The following BTAF1 variants were observed in gnomAD, a reference collection of about 807,000 sequenced individuals.
The protein encoded by BTAF1 is B-TFIID TATA-box binding protein associated factor 1.
A neutral mutation model predicts 227.1 loss-of-function variants in BTAF1; 38 were observed. The ratio of observed to expected loss-of-function variants is 0.17; its 90% confidence interval spans 0.13 to 0.22. The LOEUF (loss-of-function observed/expected upper bound fraction) is 0.22, where lower values mean the gene tolerates loss of function less well. Ranked by LOEUF, BTAF1 falls within the 10% of genes least tolerant of loss-of-function variation. The probability of loss-of-function intolerance (pLI) is 1.00; values close to 1 mark genes in which losing one functional copy is unlikely to be tolerated. For synonymous variants in BTAF1, 742 were observed against 751.9 expected (o/e 0.99, Z 0.21); for missense variants, 1,598 against 2,204.0 (o/e 0.73, Z 5.51).
rs74347261 is a variant in BTAF1, at chr10:92,010,027, G to C, written c.4103+819G>C. Among the ~76,000 whole-genome samples, 17 of 152,088 alleles carry C rather than the reference G, an allele frequency of 1.1e-4. No individual in the cohort carries two copies. In the East Asian group the frequency reaches 2.9e-3, roughly 26 times the overall value. ...TTTTATCTTGAGCACTTACTGGCCA[G>C]GCACTATTCTAAGCAGCTTTTCTTT... On this transcript the variant is annotated intron_variant, in intron 28 of 37. Transcript: ENST00000265990.
chr10:92,011,795 C>T (rs969696473), intron 30 of BTAF1, among the ~76,000 whole-genome samples: 5 of 152,010 alleles, frequency 3.3e-5, no homozygotes, highest in Non-Finnish European at 4.4e-5. Context: ...AGTGTGAATA[C>T]CTGATGTCAG....
chr10:91,984,759 C>G (rs1196336567), intron 19 of BTAF1, among the ~76,000 whole-genome samples: 1 of 152,118 alleles, frequency 6.6e-6, no homozygotes, highest in Non-Finnish European at 1.5e-5. Flanking sequence ...TGAAAATATT[C>G]AAACATATAG....
chr10:91,969,341 C>CA (rs993012288), intron 14 of BTAF1, among the ~76,000 whole-genome samples: 1 of 148,920 alleles, frequency 6.7e-6, no homozygotes, highest in African/African-American at 2.5e-5. Flanking sequence ...TTTTTTGCCA[C>CA]AAAAAAAAAG....
chr10:91,948,701 A>T (rs998328584), intron 4 of BTAF1, among the ~76,000 whole-genome samples: 3 of 70,620 alleles, frequency 4.2e-5, no homozygotes, highest in East Asian at 7.6e-4. Flanking sequence ...TTTTTTATTA[A>T]AAAAAAAAAA....
intron 30 of BTAF1, among the ~76,000 whole-genome samples, chr10:92,013,319 G>T (rs952315105): frequency 5.3e-5 from 8 of 152,122 alleles, no homozygotes; most frequent in Non-Finnish European, 8.8e-5. Context: ...GGTGATATTG[G>T]CCACATTCCT....
chr10:92,025,137 G>A (rs1044669406), intron 35 of BTAF1, among the ~76,000 whole-genome samples, 170 bp downstream of exon 35: 3 of 151,798 alleles, frequency 2.0e-5, no homozygotes, highest in African/African-American at 4.8e-5. Flanking sequence ...AAATATAATC[G>A]AATAGATTAT....
chr10:91,974,668 A>G (rs962571338), intron 14 of BTAF1, among the ~76,000 whole-genome samples: 1 of 152,142 alleles, frequency 6.6e-6, no homozygotes, highest in South Asian at 2.1e-4. Context: ...CCTGGCTGAC[A>G]CAGTGAAACC....
At chr10:92,024,719 G>A in intron 34 of BTAF1, 37 bp from the exon 35 acceptor site, 3 of 1,033,754 alleles carry the variant, frequency 2.9e-6, no homozygotes, top group Non-Finnish European at 4.1e-6. Context: ...TGCTTTTATT[G>A]AACGCTTATG....
intron 25 of BTAF1, among the ~76,000 whole-genome samples, chr10:91,998,671 A>G (rs565043372): frequency 6.6e-6 from 1 of 152,310 alleles, no homozygotes; most frequent in South Asian, 2.1e-4. Flanking sequence ...TTTATTGCTG[A>G]ATTGTATTCC....
Position 91,964,186 on chromosome 10 carries a change from A to G in BTAF1, c.1514A>G (p.Gln505Arg). 6.2e-7 allele frequency: 1 copy of G among 1,612,494 alleles called. No individual in the cohort carries two copies. Among genetic ancestry groups the G allele is most frequent in the Non-Finnish European group, 8.5e-7 (1 of 1,179,420 alleles). Residue 505 changes from glutamine (Q) to arginine (R), a missense_variant, in exon 13 of 38, where the codon CAG becomes CGG. Physicochemically the swap from Gln to Arg is conservative, Grantham distance 43 (BLOSUM62 1). Coordinates refer to ENST00000265990, the MANE Select transcript of BTAF1 (RefSeq NM_003972.3). ...TLLSSLLTYP[Q>R]VQQCSIQQSL... ...CTTTCATCCTTGTTAACTTACCCTC[A>G]GGTCCAACAATGCAGGTAATTATTT...
chr10:92,014,734 T>C (rs1274893337), intron 32 of BTAF1, among the ~76,000 whole-genome samples: 1 of 152,214 alleles, frequency 6.6e-6, no homozygotes, highest in Non-Finnish European at 1.5e-5. Context: ...GTCATAGAGC[T>C]AATACACAAT....
Position 91,982,608 on chromosome 10 carries a change from C to T in BTAF1, c.2070C>T (p.Cys690=). 2 of 1,613,444 alleles carry T rather than the reference C, an allele frequency of 1.2e-6. No individual in the cohort carries two copies. Among genetic ancestry groups the T allele is most frequent in the Non-Finnish European group, 1.7e-6 (2 of 1,179,720 alleles). ...TTAGGTTGTTAGGAGCACTTTGTTG[C>T]TGTATTTGTGATCCAGGTGTAAATG... The part of the protein sequence containing the change: ...MAAKLLGALC[C]CICDPGVNVV... The change falls in exon 18 of 38, where the codon TGC becomes TGT. Residue 690 remains cysteine (C), a synonymous_variant. Transcript: ENST00000265990.
chr10:91,990,248 A>C (rs1848646502), intron 20 of BTAF1, among the ~76,000 whole-genome samples: 2 of 152,222 alleles, frequency 1.3e-5, no homozygotes, highest in African/African-American at 4.8e-5. Context: ...GCTTTGGTGC[A>C]GCATAGATCT....
At chr10:91,957,196 C>G (rs1404421072) in intron 7 of BTAF1, 29 bp from the exon 8 acceptor site, 10 of 1,573,378 alleles carry the variant, frequency 6.4e-6, no homozygotes, top group Non-Finnish European at 8.7e-6. Flanking sequence ...ACCTTTTGAA[C>G]TAGTAGTAAT....
At chr10:91,986,929 T>C (rs1350332256) in intron 19 of BTAF1, among the ~76,000 whole-genome samples, 1 of 152,106 alleles carries the variant, frequency 6.6e-6, no homozygotes, top group African/African-American at 2.4e-5. Flanking sequence ...GAATCCCTGT[T>C]TTCCTGTTAC....
At chr10:92,028,100 T>C (rs1851649959) in intron 37 of BTAF1, among the ~76,000 whole-genome samples, 2 of 152,304 alleles carry the variant, frequency 1.3e-5, no homozygotes, top group Admixed American at 6.5e-5. Flanking sequence ...TCATGTCATA[T>C]TGAAAGTCAA....
At position 92,011,124 on chromosome 10, in the gene BTAF1, T is replaced by G; in HGVS notation, c.4155T>G (p.Val1385=). ...ATCTAATAGTGGCTTCATATGATGT[T>G]GTGAGGAATGACATAGATTTCTTTA... ...RHNLIVASYD[V]VRNDIDFFRN... Residue 1385 remains valine (V), a synonymous_variant, in exon 29 of 38, where the codon GTT becomes GTG. Coordinates refer to ENST00000265990, the MANE Select transcript of BTAF1 (RefSeq NM_003972.3). 1 of 1,604,366 alleles carries G rather than the reference T, an allele frequency of 6.2e-7. No homozygotes were observed.
chr10:91,926,647 C>G (rs938374812), intron 1 of BTAF1, among the ~76,000 whole-genome samples: 2 of 152,182 alleles, frequency 1.3e-5, no homozygotes, highest in Non-Finnish European at 2.9e-5. Flanking sequence ...ACACTCAACC[C>G]TAGGAAAGGA....
chr10:91,940,211 A>G (rs1844893986), intron 3 of BTAF1, 145 bp downstream of exon 3: 1 of 426,918 alleles, frequency 2.3e-6, no homozygotes, highest in East Asian at 3.7e-5. Flanking sequence ...ATGATACTGA[A>G]TAAGGTGATT....
Sources: allele counts gnomAD v4.1 joint callset (sites outside exome capture counted in the v4.1 genomes callset), GRCh38; gene constraint gnomAD v4.1.1; transcripts MANE v1.5; gene names NCBI Gene and HGNC (gene_info 2026-07-23, HGNC 2026-07-21).